Variants in SLC16A7 observed in about 807,000 individuals in gnomAD.
The protein encoded by SLC16A7 is monocarboxylate transporter 2.
In SLC16A7, 33 loss-of-function variants were observed where a neutral mutation model predicts 34.9. That is an observed-to-expected ratio of 0.94 (90% CI 0.72 to 1.26). The LOEUF is 1.26. SLC16A7 is among the 50% of genes most tolerant of loss of function. The probability of loss-of-function intolerance (pLI) is 0.00; values close to 1 mark genes in which losing one functional copy is unlikely to be tolerated. For synonymous variants in SLC16A7, 201 were observed against 206.6 expected, an observed-to-expected ratio of 0.97 and a Z score of 0.23; for missense variants, 573 against 578.1, an observed-to-expected ratio of 0.99 and a Z score of 0.09.
chr12:59,671,557 T>C (rs1434474853), intron 2 of SLC16A7, among the ~76,000 whole-genome samples: 2 of 151,894 alleles, frequency 1.3e-5, no homozygotes, highest in Admixed American at 6.6e-5. Context: ...CTTCCTGTAC[T>C]TGTTTGGAAG....
intron 1 of SLC16A7, among the ~76,000 whole-genome samples, chr12:59,624,503 G>A (rs1879834449): frequency 6.6e-6 from 1 of 151,618 alleles, no homozygotes; most frequent in African/African-American, 2.4e-5. Context: ...TTTGAAACTT[G>A]GATTAAGCTG....
chr12:59,704,732 G>A, intron 2 of SLC16A7, 40 bp from the exon 3 acceptor site: 2 of 1,045,010 alleles, frequency 1.9e-6, no homozygotes, highest in Non-Finnish European at 1.4e-6. Flanking sequence ...AACAAAAGGG[G>A]AAATAAAATT....
chr12:59,598,390 G>C (rs1417540487), intron 1 of SLC16A7, among the ~76,000 whole-genome samples: 5 of 152,200 alleles, frequency 3.3e-5, no homozygotes, highest in Non-Finnish European at 7.3e-5. Context: ...CCCTACCAGG[G>C]TTGCCAAGAT....
At chr12:59,610,549 A>C (rs1306850231) in intron 1 of SLC16A7, among the ~76,000 whole-genome samples, 3 of 152,224 alleles carry the variant, frequency 2.0e-5, no homozygotes, top group Admixed American at 2.0e-4. Context: ...TTTAATGAGA[A>C]TGACTACTCA....
intron 1 of SLC16A7, among the ~76,000 whole-genome samples, chr12:59,648,990 A>G (rs574980782): frequency 6.6e-6 from 1 of 152,182 alleles, no homozygotes; most frequent in Non-Finnish European, 1.5e-5. Flanking sequence ...TAGTATTCAG[A>G]GTGATACAGA....
At chr12:59,722,609 A>G (rs1245120525) in intron 3 of SLC16A7, among the ~76,000 whole-genome samples, 1 of 151,864 alleles carries the variant, frequency 6.6e-6, no homozygotes, top group Non-Finnish European at 1.5e-5. Context: ...CTCTCACCTC[A>G]GGGAATTGCA....
chr12:59,611,006 GAT>G (rs1401260673), intron 1 of SLC16A7, among the ~76,000 whole-genome samples: 1 of 152,144 alleles, frequency 6.6e-6, no homozygotes, highest in African/African-American at 2.4e-5. Flanking sequence ...CCTGCTTTCT[GAT>G]TCACAGATAG....
chr12:59,685,023 C>T (rs1871044256), intron 2 of SLC16A7, among the ~76,000 whole-genome samples: 1 of 152,034 alleles, frequency 6.6e-6, no homozygotes, highest in Admixed American at 6.6e-5. Context: ...TTAGGGGAGA[C>T]TCACAATCTT....
At chr12:59,704,047 CA>C (rs1873210328) in intron 2 of SLC16A7, among the ~76,000 whole-genome samples, 1 of 150,706 alleles carries the variant, frequency 6.6e-6, no homozygotes, top group African/African-American at 2.4e-5. Flanking sequence ...ACTAAAAACA[CA>C]AAAATTAGCC....
At chr12:59,599,335 C>T (rs1878574891) in intron 1 of SLC16A7, among the ~76,000 whole-genome samples, 1 of 152,188 alleles carries the variant, frequency 6.6e-6, no homozygotes, top group African/African-American at 2.4e-5. Context: ...AGTTGAGGCT[C>T]TTTTGAGGAT....
At chr12:59,725,170 A>G (rs191038354) in intron 3 of SLC16A7, among the ~76,000 whole-genome samples, 14 of 152,212 alleles carry the variant, frequency 9.2e-5, no homozygotes, top group African/African-American at 2.9e-4. Flanking sequence ...TCTTAATGCC[A>G]TTCTACAGGT....
chr12:59,765,743 G>GTATA (rs1287705093), intron 3 of SLC16A7, among the ~76,000 whole-genome samples: 3 of 152,160 alleles, frequency 2.0e-5, no homozygotes, highest in African/African-American at 7.2e-5. Flanking sequence ...TAGCCTTGTA[G>GTATA]TATAGTTTGA....
At chr12:59,779,235 TGTAA>T (rs755980612) in intron 5 of SLC16A7, among the ~76,000 whole-genome samples, 184 bp from the exon 6 acceptor site, 48 of 152,242 alleles carry the variant, frequency 3.2e-4, no homozygotes, top group South Asian at 1.7e-3. Flanking sequence ...AATATAATAC[TGTAA>T]GTGTCTCTGC....
intron 1 of SLC16A7, among the ~76,000 whole-genome samples, chr12:59,645,598 T>C (rs1201485780): frequency 2.0e-5 from 3 of 152,108 alleles, no homozygotes; most frequent in African/African-American, 7.2e-5. Flanking sequence ...TTCCTTTATA[T>C]ATTACCGAGT....
chr12:59,738,524 A>C (rs1269264830), intron 3 of SLC16A7, among the ~76,000 whole-genome samples: 3 of 152,180 alleles, frequency 2.0e-5, no homozygotes, highest in Non-Finnish European at 4.4e-5. Context: ...TCTGACATAG[A>C]CCAAGTCTCT....
chr12:59,733,912 A>G, intron 3 of SLC16A7: 1 of 441,384 alleles, frequency 2.3e-6, no homozygotes, highest in Non-Finnish European at 4.5e-6. Flanking sequence ...CACAGCTGGT[A>G]ATCCTGACGT....
At chr12:59,763,042 G>A (rs2137398847) in intron 3 of SLC16A7, among the ~76,000 whole-genome samples, 1 of 151,552 alleles carries the variant, frequency 6.6e-6, no homozygotes, top group East Asian at 1.9e-4. Context: ...AAATTTTCTG[G>A]GATCATAAGA....
chr12:59,761,429 A>C (rs746944998), intron 3 of SLC16A7, among the ~76,000 whole-genome samples: 3 of 152,102 alleles, frequency 2.0e-5, no homozygotes, highest in African/African-American at 7.2e-5. Flanking sequence ...GTAATTTGTT[A>C]TACAAAGAGT....
chr12:59,749,825 A>G (rs766340033), intron 3 of SLC16A7, among the ~76,000 whole-genome samples: 1 of 152,240 alleles, frequency 6.6e-6, no homozygotes, highest in Non-Finnish European at 1.5e-5. Flanking sequence ...GGACTTCAAG[A>G]TATGGATCTT....
Sources: allele counts gnomAD v4.1 joint callset (sites outside exome capture counted in the v4.1 genomes callset), GRCh38; gene constraint gnomAD v4.1.1; transcripts MANE v1.5; gene names NCBI Gene and HGNC (gene_info 2026-07-23, HGNC 2026-07-21).